The following HNF4A variants were observed in gnomAD, a reference collection of about 807,000 sequenced individuals.
HNF4A encodes the protein hepatocyte nuclear factor 4-alpha.
In HNF4A, 15 loss-of-function variants were observed where a neutral mutation model predicts 52.4. The ratio of observed to expected loss-of-function variants is 0.29; its 90% CI spans 0.19 to 0.44. The LOEUF is 0.44. Ranked by LOEUF, HNF4A falls within the 20% of genes least tolerant of loss-of-function variation. HNF4A has a pLI of 1.00. For missense variants in HNF4A, 479 were observed against 647.2 expected, an observed-to-expected ratio of 0.74 and a Z score of 2.82; for synonymous variants, 280 against 264.4, an observed-to-expected ratio of 1.06 and a Z score of -0.57.
Position 44,407,420 on chromosome 20 carries a change from C to T in HNF4A, c.330C>T (p.Asn110=). 1.2e-6 allele frequency: 2 copies of T among 1,611,596 alleles called. No homozygotes were observed. Among genetic ancestry groups the T allele is most frequent in the Non-Finnish European group, 8.5e-7 (1 of 1,178,788 alleles). ...GCGTGGTGGACAAAGACAAGAGGAA[C>T]CAGTGCCGCTACTGCAGGCTCAAGA... Residue 110 remains asparagine, a synonymous_variant, in exon 3 of 10, where the codon AAC becomes AAT. Coordinates refer to ENST00000316099, the MANE Select transcript of HNF4A (RefSeq NM_000457.6).
At chr20:44,395,017 T>C (rs1052192603) in intron 1 of HNF4A, among the ~76,000 whole-genome samples, 10 of 152,108 alleles carry the variant, frequency 6.6e-5, no homozygotes, top group Non-Finnish European at 4.4e-5. Context: ...TCCCTCATCT[T>C]CCTCTCGGAA....
chr20:44,425,176 G>A (rs2063801064), intron 8 of HNF4A, among the ~76,000 whole-genome samples: 1 of 152,144 alleles, frequency 6.6e-6, no homozygotes, highest in Non-Finnish European at 1.5e-5. Flanking sequence ...TAAAGACAGG[G>A]TTTCACCCTA....
chr20:44,362,765 T>C (rs533560983), intron 1 of HNF4A, among the ~76,000 whole-genome samples: 3 of 152,148 alleles, frequency 2.0e-5, no homozygotes, highest in Non-Finnish European at 4.4e-5. Flanking sequence ...TCAGCTATTA[T>C]GTCATAATAG....
At chr20:44,418,867 C>G (rs904733897) in intron 6 of HNF4A, among the ~76,000 whole-genome samples, 6 of 152,146 alleles carry the variant, frequency 3.9e-5, no homozygotes, top group Non-Finnish European at 7.4e-5. Flanking sequence ...CCTCCACCCG[C>G]CACGTTCAAG....
At position 44,377,163 on chromosome 20, in the gene HNF4A, T is replaced by A. The variant is rs578072394; in HGVS notation, c.49+21310T>A. On this transcript the variant is annotated intron_variant, in intron 1 of 9. Transcript: ENST00000316673. ...ACATGGATATGGCTGGAAACCATTA[T>A]CCGAAGCAAACTAATGCAGAAACAG... Among the ~76,000 whole-genome samples, 4 of 152,338 alleles carry A rather than the reference T, an allele frequency of 2.6e-5. No individual in the cohort carries two copies. In the East Asian group the frequency reaches 7.7e-4, roughly 29 times the overall value.
At chr20:44,387,812 A>G (rs1405977450) in intron 1 of HNF4A, among the ~76,000 whole-genome samples, 1 of 151,970 alleles carries the variant, frequency 6.6e-6, no homozygotes, top group African/African-American at 2.4e-5. Context: ...GAAAGATGGA[A>G]AATCTAGATT....
rs377151067 is a variant in HNF4A at position 44,428,415 on chromosome 20, G to A, written c.1210G>A (p.Val404Ile). The change falls in exon 9 of 10, where the codon GTT (valine) becomes ATT (isoleucine). Residue 404 changes from valine (V) to isoleucine (I), a missense_variant. Physicochemically the swap from Val to Ile is conservative, Grantham distance 29. Coordinates refer to ENST00000316099, the MANE Select transcript of HNF4A (RefSeq NM_000457.6). ...GGAACATATGGGAACCAACGTCATCGTTGCCAACACAATGCCCACTCACCT... is the reference window on the plus strand; with the variant it reads ...GGAACATATGGGAACCAACGTCATCATTGCCAACACAATGCCCACTCACCT... 3.0e-5 allele frequency: 48 copies of A among 1,614,030 alleles called. 1 individual carries two copies. Among genetic ancestry groups the A allele is most frequent in the African/African-American group, 6.7e-5 (5 of 74,904 alleles).
intron 1 of HNF4A, among the ~76,000 whole-genome samples, chr20:44,393,744 A>G (rs373040053): frequency 6.6e-6 from 1 of 152,166 alleles, no homozygotes; most frequent in Non-Finnish European, 1.5e-5. Context: ...TTTCATTTTC[A>G]TGACAACCCT....
rs1161145764 is a variant in HNF4A, at chr20:44,401,350, G to T, written c.-23G>T. On this transcript the variant is annotated 5_prime_UTR_variant, in exon 1 of 10. Coordinates refer to ENST00000316099, the MANE Select transcript of HNF4A (RefSeq NM_000457.6). ...GTGGGCGCCCAGGGTAGGGCAGGTG[G>T]CCGCGGCGTGGAGGCAGGGAGAATG... 1.7e-5 allele frequency: 28 copies of T among 1,613,820 alleles called. No homozygotes were observed. Among genetic ancestry groups the T allele is most frequent in the Non-Finnish European group, 2.4e-5 (28 of 1,179,942 alleles).
At chr20:44,363,573 G>A (rs555844240) in intron 1 of HNF4A, among the ~76,000 whole-genome samples, 122 of 152,138 alleles carry the variant, frequency 8.0e-4, no homozygotes, top group African/African-American at 2.8e-3. Flanking sequence ...AGAGGAGGAG[G>A]CAGATGAGAG....
At chr20:44,403,537 G>T (rs2063439757) in intron 1 of HNF4A, among the ~76,000 whole-genome samples, 1 of 152,186 alleles carries the variant, frequency 6.6e-6, no homozygotes. Flanking sequence ...GTTATGTGAA[G>T]TTGTCCTCTG....
At chr20:44,384,247 T>C (rs1398846782) in intron 1 of HNF4A, among the ~76,000 whole-genome samples, 1 of 150,776 alleles carries the variant, frequency 6.6e-6, no homozygotes, top group Non-Finnish European at 1.5e-5. Context: ...GGATTTGATA[T>C]CAGGATTTCT....
intron 1 of HNF4A, among the ~76,000 whole-genome samples, chr20:44,362,745 C>T (rs918628445): frequency 3.3e-5 from 5 of 152,062 alleles, no homozygotes; most frequent in African/African-American, 1.2e-4. Context: ...GACACCAAAT[C>T]TTCATTCTTT....
At chr20:44,369,950 T>A (rs775245445) in intron 1 of HNF4A, among the ~76,000 whole-genome samples, 1 of 152,172 alleles carries the variant, frequency 6.6e-6, no homozygotes, top group Non-Finnish European at 1.5e-5. Flanking sequence ...TCTCACAGGC[T>A]CTGACTCTTG....
chr20:44,359,774 T>C (rs1344589858), intron 1 of HNF4A, among the ~76,000 whole-genome samples: 1 of 151,604 alleles, frequency 6.6e-6, no homozygotes, highest in Non-Finnish European at 1.5e-5. Flanking sequence ...GGGGCACATA[T>C]AACCCCACTG....
intron 2 of HNF4A, among the ~76,000 whole-genome samples, chr20:44,407,014 A>C (rs560021970): frequency 5.9e-5 from 9 of 152,250 alleles, no homozygotes; most frequent in Non-Finnish European, 1.3e-4. Flanking sequence ...ACCGAGTATT[A>C]ACTCTGAGCC....
upstream of HNF4A, among the ~76,000 whole-genome samples, chr20:44,399,172 C>T (rs140794670): frequency 1.4e-3 from 216 of 152,212 alleles, 1 homozygote; most frequent in African/African-American, 5.1e-3. Flanking sequence ...GGGAGGAACC[C>T]GCCGGTATTT....
At chr20:44,376,150 A>G (rs2063083015) in intron 1 of HNF4A, among the ~76,000 whole-genome samples, 1 of 152,184 alleles carries the variant, frequency 6.6e-6, no homozygotes, top group South Asian at 2.1e-4. Flanking sequence ...CTGTAATCCT[A>G]GCTACTCAGG....
intron 1 of HNF4A, among the ~76,000 whole-genome samples, chr20:44,403,200 G>GACT (rs1218792613): frequency 1.3e-5 from 2 of 152,200 alleles, no homozygotes; most frequent in Non-Finnish European, 2.9e-5. Flanking sequence ...CAGAGGCCAA[G>GACT]CCCCTGAACT....
Sources: allele counts gnomAD v4.1 joint callset (sites outside exome capture counted in the v4.1 genomes callset), GRCh38; gene constraint gnomAD v4.1.1; transcripts MANE v1.5; gene names NCBI Gene and HGNC (gene_info 2026-07-23, HGNC 2026-07-21).